POTEJ: variants seen among roughly 807,000 people sequenced by gnomAD.
The protein encoded by POTEJ is POTE ankyrin domain family member J.
Under a neutral mutation model 69.0 loss-of-function variants are expected in POTEJ, and 11 were observed. The ratio of observed to expected loss-of-function variants is 0.16; its 90% CI spans 0.10 to 0.26. The LOEUF is 0.26. Among genes scored for constraint, POTEJ ranks in the 10% least tolerant of loss-of-function variants. The probability of loss-of-function intolerance (pLI) is 1.00; values close to 1 mark genes in which losing one functional copy is unlikely to be tolerated. For missense variants in POTEJ, 327 were observed against 1,045.5 expected (o/e 0.31, Z 9.48); for synonymous variants, 117 against 381.1 (o/e 0.31, Z 8.07).
intron 6 of POTEJ, among the ~76,000 whole-genome samples, chr2:130,625,635 G>C (rs1256544560): frequency 6.8e-6 from 1 of 148,044 alleles, no homozygotes; most frequent in East Asian, 1.9e-4. Flanking sequence ...TTGCCAGAAG[G>C]AACATCTAAT....
At chr2:130,625,186 G>C (rs1299315119) in intron 6 of POTEJ, among the ~76,000 whole-genome samples, 5 of 152,144 alleles carry the variant, frequency 3.3e-5, no homozygotes, top group African/African-American at 7.3e-5. Flanking sequence ...ATGTAGTTTT[G>C]ATCTTTAAGG....
intron 3 of POTEJ, among the ~76,000 whole-genome samples, chr2:130,617,806 TTG>T (rs760103928): frequency 2.0e-5 from 3 of 151,872 alleles, no homozygotes; most frequent in South Asian, 2.1e-4. Flanking sequence ...CATGAAGAGG[TTG>T]TGTGTGTGTG....
chr2:130,624,032 A>T, intron 5 of POTEJ, 32 bp from the exon 6 acceptor site: 1 of 1,473,126 alleles, frequency 6.8e-7, no homozygotes, highest in South Asian at 1.2e-5. Flanking sequence ...GTATTAAAAT[A>T]GTAATTTGGT....
At position 130,639,243 on chromosome 2, in the gene POTEJ, C is replaced by T. The variant is rs1377004323; in HGVS notation, c.1369+554C>T. Among the ~76,000 whole-genome samples, 12 of 152,414 alleles carry T rather than the reference C, an allele frequency of 7.9e-5. No individual in the cohort carries two copies. The South Asian group carries it at 8.3e-4, about 11-fold the overall frequency. Reference sequence around the variant, plus strand: ...AGTCTGTGGCCTGGGAGTTGTGGAGCCCTGCTCTGGGAGGTCCTACCATAG... The same window carrying T: ...AGTCTGTGGCCTGGGAGTTGTGGAGTCCTGCTCTGGGAGGTCCTACCATAG... On this transcript the variant is annotated intron_variant, in intron 10 of 14. Coordinates refer to ENST00000409602, the MANE Select transcript of POTEJ (RefSeq NM_001277083.2).
rs371384932 is a variant in POTEJ at position 130,643,257 on chromosome 2, G to T, written c.1370-726G>T. Among the ~76,000 whole-genome samples the T allele has an allele frequency of 2.8e-5, 4 of 143,170 alleles. No homozygotes were observed. The South Asian group carries it at 8.7e-4, about 31-fold the overall frequency. 93.9% of individuals were successfully genotyped at this position (143,170 alleles called of 152,430 possible). A position where few individuals can be genotyped will look rare whatever the true frequency, so the allele number is the denominator to read the frequency against. On this transcript the variant is annotated intron_variant, in intron 10 of 14. Coordinates refer to ENST00000409602, the MANE Select transcript of POTEJ (RefSeq NM_001277083.2). ...GTTTCAAAAGATGAAAATAAGGCCAGGTGTGGTGGCTCACACCTGTAATCC... is the reference window on the plus strand; with the variant it reads ...GTTTCAAAAGATGAAAATAAGGCCATGTGTGGTGGCTCACACCTGTAATCC...
Position 130,636,806 on chromosome 2 carries a change from A to C in POTEJ, c.1299-1813A>C, listed in dbSNP as rs367708058. Among the ~76,000 whole-genome samples, 259 of 145,338 alleles carry C rather than the reference A, an allele frequency of 1.8e-3. 10 individuals are homozygous for C. The highest frequency in any genetic ancestry group is 0.012 in the South Asian group (58 of 4,666). On this transcript the variant is annotated intron_variant, in intron 9 of 14. Transcript: ENST00000409602. ...TTGATTCTCACTTTAAAAATGTTTGACGTAGGTCGGGCATGGTGGCTCACA... is the reference window on the plus strand; with the variant it reads ...TTGATTCTCACTTTAAAAATGTTTGCCGTAGGTCGGGCATGGTGGCTCACA...
At chr2:130,626,968 T>C (rs1183996139) in intron 6 of POTEJ, among the ~76,000 whole-genome samples, 317 of 152,156 alleles carry the variant, frequency 2.1e-3, no homozygotes, top group Non-Finnish European at 1.0e-3. Context: ...AGTGGGAATA[T>C]AAAGCAGAGG....
intron 10 of POTEJ, among the ~76,000 whole-genome samples, chr2:130,639,172 C>T (rs1357147661): frequency 1.3e-5 from 2 of 152,310 alleles, no homozygotes; most frequent in East Asian, 1.9e-4. Flanking sequence ...CTGCTGCGCA[C>T]CTCCTCCTGT....
At chr2:130,631,720 T>C (rs1456041629) in intron 8 of POTEJ, among the ~76,000 whole-genome samples, 2 of 141,868 alleles carry the variant, frequency 1.4e-5, no homozygotes, top group Non-Finnish European at 3.1e-5. Flanking sequence ...TTTGGACCAA[T>C]CATTTTATCT....
chr2:130,613,289 CATATATATACATATGTATATATACAT>C (rs1188544425), intron 1 of POTEJ, among the ~76,000 whole-genome samples: 559 of 87,166 alleles, frequency 6.4e-3, no homozygotes, highest in Non-Finnish European at 6.5e-3. Flanking sequence ...TGTATATATA[CATATATATACATATGTATATATACAT>C]ATATATACAT....
intron 13 of POTEJ, among the ~76,000 whole-genome samples, chr2:130,647,215 G>A (rs1308828143): frequency 6.6e-6 from 1 of 151,210 alleles, no homozygotes; most frequent in East Asian, 1.9e-4. Context: ...TTAGTTTGAT[G>A]ACACATCTTA....
chr2:130,636,929 A>T lies in POTEJ; in HGVS notation c.1299-1690A>T, dbSNP rs1353370680. ...CCATCTCTACTAAAAATACAAAAAA[A>T]TTAACCGGGTGTGGTGGCATGCGCC... On this transcript the variant is annotated intron_variant, in intron 9 of 14. Coordinates refer to ENST00000409602, the MANE Select transcript of POTEJ (RefSeq NM_001277083.2). Among the ~76,000 whole-genome samples the T allele has an allele frequency of 1.4e-5, 2 of 146,866 alleles. 1 individual carries two copies. Among genetic ancestry groups the T allele is most frequent in the Non-Finnish European group, 3.1e-5 (2 of 65,336 alleles).
chr2:130,642,299 A>G (rs1225606659), intron 10 of POTEJ, among the ~76,000 whole-genome samples: 20 of 111,524 alleles, frequency 1.8e-4, no homozygotes, highest in Admixed American at 2.1e-4. Context: ...CTGGATAGAA[A>G]TCTAAAGATT....
At chr2:130,636,467 G>A (rs1686095404) in intron 9 of POTEJ, among the ~76,000 whole-genome samples, 1 of 144,216 alleles carries the variant, frequency 6.9e-6, no homozygotes, top group Admixed American at 7.0e-5. Context: ...CAAATAAAAG[G>A]TTTTTTGTAT....
chr2:130,611,448 C>A lies in POTEJ; in HGVS notation c.-85C>A. 1.8e-6 allele frequency: 1 copy of A among 544,802 alleles called. No homozygotes were observed. 33.7% of individuals were successfully genotyped at this position (544,802 alleles called of 1,614,324 possible). A position where few individuals can be genotyped will look rare whatever the true frequency, so the allele number is the denominator to read the frequency against. ...CTTTTCTCTTCAAACAGATTGGAAACCCGGAGTTACCTGCTAGTTGGTGAA... is the reference window on the plus strand; with the variant it reads ...CTTTTCTCTTCAAACAGATTGGAAAACCGGAGTTACCTGCTAGTTGGTGAA... On this transcript the variant is annotated 5_prime_UTR_variant, in exon 1 of 15. Transcript: ENST00000409602.
At position 130,657,538 on chromosome 2, in the gene POTEJ, G is replaced by A; in HGVS notation, c.2778G>A (p.Gln926=). 1 of 1,565,294 alleles carries A rather than the reference G, an allele frequency of 6.4e-7. No individual in the cohort carries two copies. The highest frequency in any genetic ancestry group is 1.1e-5 in the South Asian group (1 of 90,368). ...EWFRCPEALF[Q]PCFLGMESCG... ...TCCGCTGCCCCGAGGCGCTCTTCCA[G>A]CCTTGCTTCCTGGGCATGGAATCCT... The change falls in exon 15 of 15, where the codon CAG becomes CAA. Residue 926 remains glutamine, a synonymous_variant. Transcript: ENST00000409602.
At chr2:130,622,904 A>C (rs1270811179) in intron 5 of POTEJ, 1 of 146,418 alleles carries the variant, frequency 6.8e-6, no homozygotes, top group Non-Finnish European at 1.5e-5. Flanking sequence ...TGGCTTCTGC[A>C]TAAGGAGGCA....
intron 9 of POTEJ, among the ~76,000 whole-genome samples, chr2:130,634,036 C>G (rs1046367620): frequency 6.6e-6 from 1 of 151,012 alleles, no homozygotes; most frequent in African/African-American, 2.4e-5. Flanking sequence ...CTCAGCCTCT[C>G]TACTAGTTGG....
chr2:130,650,267 T>C (rs1280918753), intron 13 of POTEJ, among the ~76,000 whole-genome samples: 1 of 152,280 alleles, frequency 6.6e-6, no homozygotes, highest in Non-Finnish European at 1.5e-5. Flanking sequence ...AAATCCTCTT[T>C]CTCAGCAGGG....
Sources: allele counts gnomAD v4.1 joint callset (sites outside exome capture counted in the v4.1 genomes callset), GRCh38; gene constraint gnomAD v4.1.1; transcripts MANE v1.5; gene names NCBI Gene and HGNC (gene_info 2026-07-23, HGNC 2026-07-21).